The following RAPGEF5 variants were observed in gnomAD, a reference collection of about 807,000 sequenced individuals.
RAPGEF5 encodes the protein Rap guanine nucleotide exchange factor 5.
RAPGEF5 carries 65 observed loss-of-function variants against 125.2 expected under a neutral mutation model. The observed-to-expected ratio is 0.52, with a 90% confidence interval of 0.43 to 0.64. The LOEUF (loss-of-function observed/expected upper bound fraction) is 0.64, where lower values mean the gene tolerates loss of function less well. Among genes scored for constraint, RAPGEF5 ranks in the 30% least tolerant of loss-of-function variants. The pLI, the probability that RAPGEF5 is intolerant of heterozygous loss-of-function variation, is 0.00. For synonymous variants in RAPGEF5, 391 were observed against 385.9 expected (o/e 1.01, Z -0.16); for missense variants, 958 against 1,048.1 (o/e 0.91, Z 1.19).
chr7:22,160,853 G>C (rs956047614), intron 13 of RAPGEF5, among the ~76,000 whole-genome samples: 2 of 152,128 alleles, frequency 1.3e-5, no homozygotes, highest in Non-Finnish European at 2.9e-5. Context: ...GAGAATTCTA[G>C]AGATCCCTAG....
chr7:22,208,695 T>G (rs1157745663), intron 9 of RAPGEF5, among the ~76,000 whole-genome samples: 1 of 152,230 alleles, frequency 6.6e-6, no homozygotes, highest in African/African-American at 2.4e-5. Context: ...TGCAGCCTAC[T>G]ATCATCAATC....
At chr7:22,349,020 G>A (rs1405170659) in intron 1 of RAPGEF5, among the ~76,000 whole-genome samples, 1 of 151,758 alleles carries the variant, frequency 6.6e-6, no homozygotes, top group African/African-American at 2.4e-5. Flanking sequence ...GAACCCAGAG[G>A]TGGACGTTGC....
intron 13 of RAPGEF5, 124 bp from the exon 14 acceptor site, chr7:22,160,739 C>A: frequency 8.5e-7 from 1 of 1,176,306 alleles, no homozygotes. Flanking sequence ...ACGGGTTTCA[C>A]CAGGTGCCAA....
intron 16 of RAPGEF5, among the ~76,000 whole-genome samples, chr7:22,156,219 C>T (rs1783801910): frequency 1.3e-5 from 2 of 152,176 alleles, no homozygotes; most frequent in African/African-American, 4.8e-5. Context: ...CTGTGTTTTC[C>T]AGCTCTGTGC....
intron 11 of RAPGEF5, among the ~76,000 whole-genome samples, chr7:22,191,110 G>C (rs11767505): frequency 6.6e-6 from 1 of 152,122 alleles, no homozygotes; most frequent in Non-Finnish European, 1.5e-5. Flanking sequence ...TAAAGAACTA[G>C]AATTCACCTT....
intron 11 of RAPGEF5, 36 bp downstream of exon 11, chr7:22,193,331 T>G (rs1171120480): frequency 6.5e-7 from 1 of 1,550,364 alleles, no homozygotes; most frequent in East Asian, 2.4e-5. Flanking sequence ...CATCAGCTGC[T>G]ATCAGTCTGG....
intron 24 of RAPGEF5, among the ~76,000 whole-genome samples, chr7:22,128,614 C>T (rs1186972831): frequency 6.6e-6 from 1 of 152,182 alleles, no homozygotes; most frequent in Admixed American, 6.5e-5. Flanking sequence ...TCTCCAGCAT[C>T]CAAGTGTAAC....
At chr7:22,324,624 C>T (rs575335765) in intron 1 of RAPGEF5, among the ~76,000 whole-genome samples, 1 of 152,206 alleles carries the variant, frequency 6.6e-6, no homozygotes, top group Admixed American at 6.5e-5. Flanking sequence ...AGAATAATGA[C>T]CTTCTTCCTC....
At chr7:22,356,320 C>T (rs1485054553) in intron 1 of RAPGEF5, 2 of 919,636 alleles carry the variant, frequency 2.2e-6, no homozygotes, top group African/African-American at 3.6e-5. Flanking sequence ...GAAGCTCACC[C>T]AAGAGCTTCC....
chr7:22,171,088 A>C (rs1784335685), intron 11 of RAPGEF5, among the ~76,000 whole-genome samples: 1 of 152,012 alleles, frequency 6.6e-6, no homozygotes. Context: ...AAAATACTAT[A>C]ATCAAAGTGA....
chr7:22,320,577 C>T (rs192687651), intron 1 of RAPGEF5, among the ~76,000 whole-genome samples: 1 of 152,150 alleles, frequency 6.6e-6, no homozygotes, highest in Non-Finnish European at 1.5e-5. Context: ...AATGCACCCC[C>T]CTCTTTCCAT....
intron 11 of RAPGEF5, among the ~76,000 whole-genome samples, chr7:22,176,680 C>T (rs1453506945): frequency 6.6e-6 from 1 of 152,114 alleles, no homozygotes; most frequent in East Asian, 1.9e-4. Flanking sequence ...AGGAGCCCAC[C>T]ACCATGCCCG....
intron 6 of RAPGEF5, among the ~76,000 whole-genome samples, chr7:22,275,689 G>C (rs1782538883): frequency 2.0e-5 from 3 of 150,214 alleles, no homozygotes; most frequent in Non-Finnish European, 2.9e-5. Flanking sequence ...TACCAAAAGA[G>C]AACAAGCATG....
intron 11 of RAPGEF5, among the ~76,000 whole-genome samples, chr7:22,172,064 T>G (rs1171192050): frequency 6.6e-6 from 1 of 152,148 alleles, no homozygotes; most frequent in Non-Finnish European, 1.5e-5. Context: ...AATCCATGCA[T>G]GTAATTAGCT....
chr7:22,143,061 G>A (rs1783315373), intron 20 of RAPGEF5, among the ~76,000 whole-genome samples: 1 of 152,056 alleles, frequency 6.6e-6, no homozygotes, highest in Non-Finnish European at 1.5e-5. Flanking sequence ...AACTGAGCTG[G>A]GTGGTATCAT....
chr7:22,223,180 G>A (rs933448252), intron 8 of RAPGEF5, among the ~76,000 whole-genome samples: 2 of 152,134 alleles, frequency 1.3e-5, no homozygotes, highest in African/African-American at 4.8e-5. Flanking sequence ...ATACTGGGAA[G>A]ATAAGGAGTA....
chr7:22,178,116 A>G (rs74472858), intron 11 of RAPGEF5, among the ~76,000 whole-genome samples: 2,591 of 152,260 alleles, frequency 0.017, 74 homozygotes, highest in African/African-American at 0.059. Flanking sequence ...AGAACTGACA[A>G]TCACGTGGAA....
At chr7:22,165,625 C>T (rs1784138652) in intron 12 of RAPGEF5, among the ~76,000 whole-genome samples, 1 of 152,018 alleles carries the variant, frequency 6.6e-6, no homozygotes, top group African/African-American at 2.4e-5. Context: ...TCGACTATAG[C>T]TTTGTTTGCT....
At chr7:22,247,521 C>G (rs970816888) in intron 7 of RAPGEF5, among the ~76,000 whole-genome samples, 2 of 152,144 alleles carry the variant, frequency 1.3e-5, no homozygotes. Flanking sequence ...ACTCTCTTGC[C>G]TGCTGCCATC....
Sources: gnomAD v4.1 joint callset for allele counts (sites outside exome capture counted in the v4.1 genomes callset) on GRCh38, gnomAD v4.1.1 for gene constraint, MANE v1.5 for transcripts, NCBI Gene and HGNC (gene_info 2026-07-23, HGNC 2026-07-21) for gene names.